The following ENAH variants were observed in gnomAD, a reference collection of about 807,000 sequenced individuals.
The protein encoded by ENAH is protein enabled homolog.
ENAH carries 23 observed loss-of-function variants against 78.7 expected under a neutral mutation model. The observed-to-expected ratio is 0.29, with a 90% confidence interval of 0.21 to 0.41. The LOEUF (loss-of-function observed/expected upper bound fraction) is 0.41. ENAH is among the 10% of genes least tolerant of loss of function. The pLI, the probability that ENAH is intolerant of heterozygous loss-of-function variation, is 1.00. For missense variants in ENAH, 544 were observed against 691.0 expected, an observed-to-expected ratio of 0.79 and a Z score of 2.39; for synonymous variants, 226 against 241.0, an observed-to-expected ratio of 0.94 and a Z score of 0.58.
intron 3 of ENAH, among the ~76,000 whole-genome samples, chr1:225,539,520 C>T (rs774959920): frequency 6.6e-6 from 1 of 152,106 alleles, no homozygotes; most frequent in African/African-American, 2.4e-5. Context: ...ATTAAGTTGC[C>T]CATTCCAATC....
intron 1 of ENAH, among the ~76,000 whole-genome samples, chr1:225,643,803 G>A (rs945300038): frequency 6.6e-6 from 1 of 152,066 alleles, no homozygotes; most frequent in African/African-American, 2.4e-5. Context: ...AGGGTGTGGT[G>A]GCGCACATCT....
At chr1:225,604,691 G>C (rs2096947988) in intron 1 of ENAH, among the ~76,000 whole-genome samples, 1 of 151,938 alleles carries the variant, frequency 6.6e-6, no homozygotes, top group Admixed American at 6.6e-5. Context: ...TACTTGGGAG[G>C]CTGAGGCAGG....
At chr1:225,562,972 CAAA>C (rs34624539) in intron 2 of ENAH, among the ~76,000 whole-genome samples, 1 of 124,394 alleles carries the variant, frequency 8.0e-6, no homozygotes. Context: ...AACTCTGTGT[CAAA>C]AAAAAAAAAC....
chr1:225,531,546 A>T (rs1032377399), intron 3 of ENAH, among the ~76,000 whole-genome samples: 1 of 152,130 alleles, frequency 6.6e-6, no homozygotes, highest in African/African-American at 2.4e-5. Flanking sequence ...GAAAGTAAAG[A>T]AACAGTAGTT....
At chr1:225,585,941 T>G (rs1426708155) in intron 1 of ENAH, among the ~76,000 whole-genome samples, 1 of 152,262 alleles carries the variant, frequency 6.6e-6, no homozygotes, top group African/African-American at 2.4e-5. Context: ...AGAATGGGCA[T>G]GGCGGCTCAC....
intron 2 of ENAH, among the ~76,000 whole-genome samples, chr1:225,561,619 TTAAAATAAAATAAAA>T (rs140300660): frequency 1.6e-5 from 2 of 125,810 alleles, no homozygotes; most frequent in Non-Finnish European, 3.3e-5. Context: ...AGATTCCGTC[TTAAAATAAAATAAAA>T]TAAAATAAAA....
chr1:225,543,757 C>G (rs1575470444), intron 3 of ENAH, among the ~76,000 whole-genome samples: 1 of 152,182 alleles, frequency 6.6e-6, no homozygotes, highest in East Asian at 1.9e-4. Context: ...TAGATTAGAA[C>G]AGCATCTACC....
At chr1:225,608,222 A>G (rs2096967067) in intron 1 of ENAH, among the ~76,000 whole-genome samples, 2 of 106,634 alleles carry the variant, frequency 1.9e-5, no homozygotes, top group African/African-American at 6.5e-5. Context: ...AAAAAACAGA[A>G]AAAAAAAAAA....
At chr1:225,618,807 A>G (rs953181986) in intron 1 of ENAH, among the ~76,000 whole-genome samples, 6 of 152,198 alleles carry the variant, frequency 3.9e-5, no homozygotes, top group Non-Finnish European at 8.8e-5. Context: ...CCTTTAAAAA[A>G]ATTCCAAAGG....
intron 2 of ENAH, among the ~76,000 whole-genome samples, chr1:225,557,440 C>T (rs2096672587): frequency 6.6e-6 from 1 of 152,070 alleles, no homozygotes. Flanking sequence ...CTAGAAATAA[C>T]AATACAATGC....
chr1:225,614,216 G>A (rs2097010395), intron 1 of ENAH, among the ~76,000 whole-genome samples: 1 of 152,002 alleles, frequency 6.6e-6, no homozygotes, highest in Admixed American at 6.6e-5. Context: ...CCACCACCAT[G>A]CACAGCTAAT....
intron 2 of ENAH, among the ~76,000 whole-genome samples, chr1:225,555,295 A>G (rs2096660664): frequency 6.6e-6 from 1 of 152,142 alleles, no homozygotes; most frequent in South Asian, 2.1e-4. Context: ...TAAAACAGTA[A>G]ATCAGCCGGG....
Position 225,487,078 on chromosome 1 carries a change from G to C in ENAH, c.*10697C>G, listed in dbSNP as rs1280627398. Reference sequence around the variant, plus strand: ...CAGTGACAGGGCCAGGCCCCTTCCTGCTGAATCCTAACTTTACACATTCTA... The same window carrying C: ...CAGTGACAGGGCCAGGCCCCTTCCTCCTGAATCCTAACTTTACACATTCTA... On this transcript the variant is annotated 3_prime_UTR_variant, in exon 14 of 14. Transcript: ENST00000366843. The C allele has an allele frequency of 2.0e-5, 3 of 152,582 alleles. No individual in the cohort carries two copies. Among genetic ancestry groups the C allele is most frequent in the Admixed American group, 6.5e-5 (1 of 15,286 alleles). 9.5% of individuals were successfully genotyped at this position (152,582 alleles called of 1,614,324 possible).
At chr1:225,546,829 T>C (rs1221561982) in intron 3 of ENAH, among the ~76,000 whole-genome samples, 1 of 152,208 alleles carries the variant, frequency 6.6e-6, no homozygotes, top group Non-Finnish European at 1.5e-5. Context: ...GAAGTTTCTT[T>C]TGCCACATTG....
intron 5 of ENAH, chr1:225,517,934 G>A: frequency 6.5e-7 from 1 of 1,549,956 alleles, no homozygotes. Context: ...GAAGGAGGCT[G>A]GCAACTGGAA....
chr1:225,561,665 A>G (rs2096706905), intron 2 of ENAH, among the ~76,000 whole-genome samples: 1 of 28,436 alleles, frequency 3.5e-5, no homozygotes, highest in Non-Finnish European at 9.3e-5. Flanking sequence ...TAAAATTAGT[A>G]TGTTCACTTA....
At chr1:225,535,534 T>C (rs2096557739) in intron 3 of ENAH, 1 of 1,303,952 alleles carries the variant, frequency 7.7e-7, no homozygotes, top group Admixed American at 2.3e-5. Flanking sequence ...AAATTAGTGC[T>C]GTCCTGGGTA....
chr1:225,488,447 C>A lies in ENAH; in HGVS notation c.*9328G>T, dbSNP rs2096208880. 6.6e-6 allele frequency: 1 copy of A among 152,074 alleles called. No individual in the cohort carries two copies. Among genetic ancestry groups the A allele is most frequent in the Non-Finnish European group, 1.5e-5 (1 of 68,016 alleles). The allele number at this position is 152,074 out of a possible 1,614,324, so 9.4% of individuals were successfully genotyped here. A position where few individuals can be genotyped will look rare whatever the true frequency, so the allele number is the denominator to read the frequency against. Reference sequence around the variant, plus strand: ...CGAGTGTGGCTGTCCCTCTCTCGCTCCCACCAGCTACATAATAGGGACTTT... The same window carrying A: ...CGAGTGTGGCTGTCCCTCTCTCGCTACCACCAGCTACATAATAGGGACTTT... On this transcript the variant is annotated 3_prime_UTR_variant, in exon 14 of 14. Transcript: ENST00000366843.
intron 1 of ENAH, among the ~76,000 whole-genome samples, chr1:225,627,220 T>TG (rs1553463035): frequency 6.6e-6 from 1 of 152,200 alleles, no homozygotes; most frequent in Non-Finnish European, 1.5e-5. Flanking sequence ...AAGTATAAAC[T>TG]TGTATGAAAA....
Sources: gnomAD v4.1 joint callset for allele counts (sites outside exome capture counted in the v4.1 genomes callset) on GRCh38, gnomAD v4.1.1 for gene constraint, MANE v1.5 for transcripts, NCBI Gene and HGNC (gene_info 2026-07-23, HGNC 2026-07-21) for gene names.